The following ANKHD1 variants were observed in gnomAD, a reference collection of about 807,000 sequenced individuals.
ANKHD1 encodes the protein ankyrin repeat and KH domain containing 1.
Under a neutral mutation model 230.5 loss-of-function variants are expected in ANKHD1, and 31 were observed. The observed-to-expected ratio is 0.13, with a 90% CI of 0.10 to 0.18. ANKHD1 has a LOEUF of 0.18. Among genes scored for constraint, ANKHD1 ranks in the 10% least tolerant of loss-of-function variants. The pLI is 1.00. For missense variants in ANKHD1, 2,256 were observed against 3,071.3 expected, an observed-to-expected ratio of 0.73 and a Z score of 6.27; for synonymous variants, 1,074 against 1,117.6, an observed-to-expected ratio of 0.96 and a Z score of 0.78.
intron 1 of ANKHD1, among the ~76,000 whole-genome samples, chr5:140,407,064 AGGTG>A (rs942601203): frequency 3.1e-4 from 47 of 151,600 alleles, no homozygotes; most frequent in African/African-American, 1.1e-3. Flanking sequence ...TGGGAGGCCG[AGGTG>A]GGTGGGTCAC....
intron 14 of ANKHD1, among the ~76,000 whole-genome samples, chr5:140,492,451 GT>G (rs2127030014): frequency 6.6e-6 from 1 of 152,230 alleles, no homozygotes; most frequent in East Asian, 1.9e-4. Flanking sequence ...TCAATTCTAG[GT>G]TAGTGGCTTT....
rs200206390 is a variant in ANKHD1, at chr5:140,528,003, G to A, written c.5218G>A (p.Glu1740Lys). Residue 1740 changes from glutamate (E) to lysine (K), a missense_variant, in exon 28 of 34, where the codon GAG becomes AAG. Glu to Lys is a moderately conservative substitution (Grantham distance 56, BLOSUM62 1). This residue lies in a region of ANKHD1 where 23 missense variants were observed against 59.9 expected (regional missense o/e 0.38). Coordinates refer to ENST00000360839, the MANE Select transcript of ANKHD1 (RefSeq NM_017747.3). ...GGATAAACAAAAAGATAAGAATGGCGAGAGAATGATCACAATAAGGTAATT... is the reference window on the plus strand; with the variant it reads ...GGATAAACAAAAAGATAAGAATGGCAAGAGAATGATCACAATAAGGTAATT... ...DVDKQKDKNGERMITIRGGTE... is the reference protein window; with the variant it reads ...DVDKQKDKNGKRMITIRGGTE... The A allele has an allele frequency of 3.7e-6, 6 of 1,613,650 alleles. No individual in the cohort carries two copies. The highest frequency in any genetic ancestry group is 2.5e-6 in the Non-Finnish European group (3 of 1,179,722).
At chr5:140,525,051 G>A (rs182290649) in intron 25 of ANKHD1, 13 of 186,158 alleles carry the variant, frequency 7.0e-5, no homozygotes, top group Admixed American at 2.4e-4. Context: ...CCTGGGAGGC[G>A]GAGGTGGTGA....
intron 1 of ANKHD1, among the ~76,000 whole-genome samples, chr5:140,417,978 T>C (rs988346329): frequency 6.6e-6 from 1 of 151,592 alleles, no homozygotes; most frequent in Non-Finnish European, 1.5e-5. Context: ...TAGCTGGGAT[T>C]ACAGGTGCCT....
At chr5:140,516,674 A>G (rs1343599112) in intron 24 of ANKHD1, among the ~76,000 whole-genome samples, 1 of 152,194 alleles carries the variant, frequency 6.6e-6, no homozygotes, top group Non-Finnish European at 1.5e-5. Context: ...CCAGAATTTC[A>G]TATCCAGCCA....
chr5:140,493,513 T>G (rs1751899279), intron 14 of ANKHD1, among the ~76,000 whole-genome samples: 1 of 152,228 alleles, frequency 6.6e-6, no homozygotes, highest in South Asian at 2.1e-4. Context: ...TGTTGAAAAT[T>G]TTGTTGCTAA....
At chr5:140,412,814 C>A (rs1771048801) in intron 1 of ANKHD1, among the ~76,000 whole-genome samples, 1 of 152,046 alleles carries the variant, frequency 6.6e-6, no homozygotes, top group Non-Finnish European at 1.5e-5. Flanking sequence ...ACTAGTTTAC[C>A]TTTCTTCCTG....
intron 10 of ANKHD1, among the ~76,000 whole-genome samples, chr5:140,481,369 A>C (rs1312983732): frequency 2.0e-5 from 3 of 152,054 alleles, no homozygotes; most frequent in Non-Finnish European, 4.4e-5. Flanking sequence ...ATAGTTATTC[A>C]TTTTTCCATA....
chr5:140,506,832 T>C lies in ANKHD1; in HGVS notation c.3409-3T>C. 6.2e-7 allele frequency: 1 copy of C among 1,613,976 alleles called. No individual in the cohort carries two copies. The highest frequency in any genetic ancestry group is 8.5e-7 in the Non-Finnish European group (1 of 1,179,956). Reference sequence around the variant, plus strand: ...TCTTCTCTATCCATATTTTACTTTGTAGGTGGTAGACTTGCTGCTGGCTCG... The same window carrying C: ...TCTTCTCTATCCATATTTTACTTTGCAGGTGGTAGACTTGCTGCTGGCTCG... On this transcript the variant is annotated splice_polypyrimidine_tract_variant and splice_region_variant and intron_variant, in intron 18 of 33. Coordinates refer to ENST00000360839, the MANE Select transcript of ANKHD1 (RefSeq NM_017747.3). The surrounding 1 kb of genome is among the most constrained non-coding windows in gnomAD (Gnocchi z 4.7).
At chr5:140,423,033 C>T (rs1260498377) in intron 1 of ANKHD1, among the ~76,000 whole-genome samples, 1 of 151,600 alleles carries the variant, frequency 6.6e-6, no homozygotes, top group Non-Finnish European at 1.5e-5. Context: ...GCTGGGACTA[C>T]AGGCATCCGC....
intron 7 of ANKHD1, among the ~76,000 whole-genome samples, chr5:140,454,307 C>T (rs1308709559): frequency 1.3e-5 from 2 of 152,136 alleles, no homozygotes; most frequent in Admixed American, 6.5e-5. Flanking sequence ...ATCAACAAGA[C>T]AGAAAGTTAA....
intron 1 of ANKHD1, among the ~76,000 whole-genome samples, chr5:140,411,851 C>T (rs1561679156): frequency 6.7e-6 from 1 of 148,454 alleles, no homozygotes; most frequent in Non-Finnish European, 1.5e-5. Flanking sequence ...TTTTTTGAGA[C>T]AGGGTCCCGT....
chr5:140,537,563 G>T lies in ANKHD1; in HGVS notation c.7202G>T (p.Trp2401Leu). 6.3e-7 allele frequency: 1 copy of T among 1,596,916 alleles called. No individual in the cohort carries two copies. Among genetic ancestry groups the T allele is most frequent in the South Asian group, 1.1e-5 (1 of 88,154 alleles). Residue 2401 changes from tryptophan to leucine, a missense_variant, in exon 31 of 34, where the codon TGG (tryptophan) becomes TTG (leucine). Trp to Leu is a moderately conservative substitution (Grantham distance 61). This residue lies in a region of ANKHD1 where 778 missense variants were observed against 966.5 expected (regional missense o/e 0.80). Transcript: ENST00000360839. ...GCTCCCGTTGGACACAGTGGAATCT[G>T]GTCATTTGGTGTCAATGCTGTGTCA... ...FVAPVGHSGIWSFGVNAVSEG... is the reference protein window; with the variant it reads ...FVAPVGHSGILSFGVNAVSEG...
Position 140,527,020 on chromosome 5 carries a change from C to T in ANKHD1, c.5033C>T (p.Thr1678Ile). 1 of 1,613,764 alleles carries T rather than the reference C, an allele frequency of 6.2e-7. No homozygotes were observed. Residue 1678 changes from threonine (T) to isoleucine (I), a missense_variant, in exon 27 of 34, where the codon ACT (threonine) becomes ATT (isoleucine). Around this residue, in one of 13 missense-constraint regions of ANKHD1, gnomAD observed 212 missense variants for 257.3 expected, o/e 0.82. Transcript: ENST00000360839. The surrounding 1 kb of genome is among the most constrained non-coding windows in gnomAD (Gnocchi z 4.5). The part of the protein sequence containing the change: ...LSSPNIKLNL[T>I]SPKRGQKREE... ...TCTCCAAACATAAAGCTGAATCTCACTAGCCCTAAAAGGGGTCAGAAAAGA... is the reference window on the plus strand; with the variant it reads ...TCTCCAAACATAAAGCTGAATCTCATTAGCCCTAAAAGGGGTCAGAAAAGA...
intron 9 of ANKHD1, among the ~76,000 whole-genome samples, chr5:140,459,809 A>C (rs1775572732): frequency 6.6e-6 from 1 of 152,146 alleles, no homozygotes; most frequent in Non-Finnish European, 1.5e-5. Flanking sequence ...TGTTTAGAAA[A>C]AGACTTATAT....
At chr5:140,531,392 C>T in intron 29 of ANKHD1, 1 of 320,090 alleles carries the variant, frequency 3.1e-6, no homozygotes. Flanking sequence ...ACAAGCCTGG[C>T]CAACATGGTG....
chr5:140,424,451 A>G (rs1046994670), intron 1 of ANKHD1, among the ~76,000 whole-genome samples: 1 of 152,106 alleles, frequency 6.6e-6, no homozygotes, highest in Non-Finnish European at 1.5e-5. Context: ...ATGTCTGGCT[A>G]TTTTTAGTTT....
At chr5:140,437,175 G>T (rs1325938181) in intron 2 of ANKHD1, among the ~76,000 whole-genome samples, 1 of 152,146 alleles carries the variant, frequency 6.6e-6, no homozygotes, top group Admixed American at 6.5e-5. Flanking sequence ...ATCCTTCCAT[G>T]ACAGTTTATG....
intron 32 of ANKHD1, 98 bp from the exon 33 acceptor site, chr5:140,538,821 A>T: frequency 8.0e-7 from 1 of 1,254,880 alleles, no homozygotes; most frequent in Non-Finnish European, 1.0e-6. Flanking sequence ...TCTTTAAATG[A>T]GGAATATTAG....
Sources: gnomAD v4.1 joint callset for allele counts (sites outside exome capture counted in the v4.1 genomes callset) on GRCh38, gnomAD v4.1.1 for gene constraint, gnomAD v4.1.1 regional missense constraint, Gnocchi (gnomAD v3.1) non-coding constraint, MANE v1.5 for transcripts, NCBI Gene and HGNC (gene_info 2026-07-23, HGNC 2026-07-21) for gene names.